The following MARCHF1 variants were observed in gnomAD, a reference collection of about 807,000 sequenced individuals.
MARCHF1 encodes E3 ubiquitin-protein ligase MARCHF1.
Under a neutral mutation model 54.2 loss-of-function variants are expected in MARCHF1, and 40 were observed. The observed-to-expected ratio is 0.74, with a 90% confidence interval of 0.57 to 0.96. The LOEUF (loss-of-function observed/expected upper bound fraction) is 0.96, where lower values mean the gene tolerates loss of function less well. Among genes scored for constraint, MARCHF1 ranks in the 40% least tolerant of loss-of-function variants. The probability of loss-of-function intolerance (pLI) is 0.00; values close to 1 mark genes in which losing one functional copy is unlikely to be tolerated. For missense variants in MARCHF1, 586 were observed against 656.5 expected (o/e 0.89, Z 1.17); for synonymous variants, 236 against 236.3 (o/e 1.00, Z 0.01).
Position 163,961,555 on chromosome 4 carries a change from C to A in MARCHF1, c.-39+26946G>T, listed in dbSNP as rs116036112. Among the ~76,000 whole-genome samples, 821 of 151,938 alleles carry A rather than the reference C, an allele frequency of 5.4e-3. 8 individuals carry two copies. Among genetic ancestry groups the A allele is most frequent in the Middle Eastern group, 0.02 (6 of 294 alleles). Reference sequence around the variant, plus strand: ...TATGCCATTCATTTAAACCTTTTCACGTGCTACCCTTCTCCACGAGTCTCT... The same window carrying A: ...TATGCCATTCATTTAAACCTTTTCAAGTGCTACCCTTCTCCACGAGTCTCT... On this transcript the variant is annotated intron_variant, in intron 3 of 9. Transcript: ENST00000514618.
At chr4:163,606,600 G>A (rs919868280) in intron 7 of MARCHF1, among the ~76,000 whole-genome samples, 8 of 152,030 alleles carry the variant, frequency 5.3e-5, no homozygotes, top group Non-Finnish European at 8.8e-5. Flanking sequence ...CTAAATATGA[G>A]CATTTGGAGA....
chr4:164,007,067 G>T (rs1435430712), intron 2 of MARCHF1, among the ~76,000 whole-genome samples: 1 of 136,064 alleles, frequency 7.3e-6, no homozygotes, highest in Non-Finnish European at 1.5e-5. Flanking sequence ...GGCAGGGCGT[G>T]GTGGCTCACA....
chr4:164,186,695 T>C (rs1730979913), intron 1 of MARCHF1, among the ~76,000 whole-genome samples: 1 of 152,214 alleles, frequency 6.6e-6, no homozygotes, highest in South Asian at 2.1e-4. Context: ...AGGGCAATGT[T>C]GAGCTATTTA....
At position 163,962,564 on chromosome 4, in the gene MARCHF1, T is replaced by G. The variant is rs758996367; in HGVS notation, c.-39+25937A>C. The stretch of plus-strand genomic sequence containing the variant: ...GCAGGTCTTTATTGTATCCGTATTG[T>G]GTACTACAACTGTGAAGGAAATGTA... On this transcript the variant is annotated intron_variant, in intron 3 of 9. Transcript: ENST00000514618. 6.2e-4 allele frequency among the ~76,000 whole-genome samples: 95 copies of G among 152,100 alleles called. 1 individual carries two copies. The highest frequency in any genetic ancestry group is 1.2e-3 in the Non-Finnish European group (79 of 67,902).
intron 2 of MARCHF1, among the ~76,000 whole-genome samples, chr4:164,068,667 C>T (rs2111084940): frequency 1.3e-5 from 2 of 152,272 alleles, no homozygotes; most frequent in South Asian, 4.1e-4. Context: ...GCAGACTGAG[C>T]CTCCCTGACG....
chr4:164,008,194 C>G (rs1753338204), intron 2 of MARCHF1, among the ~76,000 whole-genome samples: 1 of 152,044 alleles, frequency 6.6e-6, no homozygotes, highest in African/African-American at 2.4e-5. Flanking sequence ...ACACTAATAT[C>G]AGATAAAACA....
At chr4:164,038,265 A>C (rs547430564) in intron 2 of MARCHF1, among the ~76,000 whole-genome samples, 56 of 152,234 alleles carry the variant, frequency 3.7e-4, no homozygotes, top group African/African-American at 1.3e-3. Context: ...AGGCCGAGGC[A>C]GGTGGATCAC....
intron 3 of MARCHF1, among the ~76,000 whole-genome samples, chr4:163,969,128 G>A (rs1752499940): frequency 6.6e-6 from 1 of 152,150 alleles, no homozygotes; most frequent in South Asian, 2.1e-4. Flanking sequence ...ACAAAAAAGA[G>A]GCAGAAAGGC....
At chr4:163,924,843 T>A (rs546749307) in intron 3 of MARCHF1, among the ~76,000 whole-genome samples, 2 of 151,930 alleles carry the variant, frequency 1.3e-5, no homozygotes, top group South Asian at 4.1e-4. Context: ...AATTATAATA[T>A]TAAGAAAAAT....
intron 4 of MARCHF1, among the ~76,000 whole-genome samples, chr4:163,831,509 T>C (rs904006901): frequency 1.3e-5 from 2 of 152,198 alleles, no homozygotes; most frequent in Non-Finnish European, 2.9e-5. Context: ...GGGGATTGCT[T>C]GAGTCCAGGA....
rs745790792 is a variant in MARCHF1 at position 163,542,339 on chromosome 4, C to G, written c.1339+3257G>C. Among the ~76,000 whole-genome samples the G allele has an allele frequency of 5.6e-4, 86 of 152,234 alleles. 2 individuals are homozygous for G. The highest frequency in any genetic ancestry group is 8.7e-4 in the Non-Finnish European group (59 of 68,046). On this transcript the variant is annotated intron_variant, in intron 9 of 9. Transcript: ENST00000514618. ...ACTTGCCTGGTCCCAGACCAGTGTT[C>G]AGCACCGGGGAGATGTAGTGGTGAG...
chr4:164,370,769 G>C (rs549220633), intron 1 of MARCHF1, among the ~76,000 whole-genome samples: 3 of 152,054 alleles, frequency 2.0e-5, no homozygotes, highest in African/African-American at 7.2e-5. Flanking sequence ...TTAGCTGGGC[G>C]TGATAGCGTG....
intron 4 of MARCHF1, among the ~76,000 whole-genome samples, chr4:163,705,606 A>G (rs1036644363): frequency 6.6e-6 from 1 of 152,028 alleles, no homozygotes; most frequent in African/African-American, 2.4e-5. Context: ...AATTCTGGAA[A>G]GATATTTGAC....
chr4:163,913,461 T>C (rs1472669943), intron 3 of MARCHF1, among the ~76,000 whole-genome samples: 6 of 152,158 alleles, frequency 3.9e-5, no homozygotes, highest in African/African-American at 1.4e-4. Flanking sequence ...TAGTCTTACG[T>C]TTAGAACTCT....
intron 7 of MARCHF1, among the ~76,000 whole-genome samples, chr4:163,607,018 CTA>C (rs1579106660): frequency 6.6e-6 from 1 of 152,054 alleles, no homozygotes; most frequent in East Asian, 1.9e-4. Flanking sequence ...TCTGGCCAGA[CTA>C]TCTCTTCCCT....
At chr4:163,561,963 T>G (rs984536469) in intron 8 of MARCHF1, among the ~76,000 whole-genome samples, 2 of 152,142 alleles carry the variant, frequency 1.3e-5, no homozygotes, top group African/African-American at 4.8e-5. Flanking sequence ...CTTTCTCATC[T>G]TTTCTTGACT....
intron 2 of MARCHF1, among the ~76,000 whole-genome samples, chr4:164,100,199 G>C (rs1361232177): frequency 6.7e-6 from 1 of 148,448 alleles, no homozygotes; most frequent in East Asian, 1.9e-4. Context: ...ATAGAACATA[G>C]GTTAAAACAA....
At chr4:163,991,054 AATTTG>A (rs1439574640) in intron 2 of MARCHF1, among the ~76,000 whole-genome samples, 2 of 152,130 alleles carry the variant, frequency 1.3e-5, no homozygotes, top group African/African-American at 4.8e-5. Context: ...ATTTTGAGTT[AATTTG>A]ATTTATGTGG....
At chr4:163,926,095 A>G (rs1751530813) in intron 3 of MARCHF1, among the ~76,000 whole-genome samples, 1 of 151,690 alleles carries the variant, frequency 6.6e-6, no homozygotes, top group African/African-American at 2.4e-5. Flanking sequence ...GCCTTCTTAC[A>G]TATAACAAAT....
Sources: gnomAD v4.1 joint callset for allele counts (sites outside exome capture counted in the v4.1 genomes callset) on GRCh38, gnomAD v4.1.1 for gene constraint, MANE v1.5 for transcripts, NCBI Gene and HGNC (gene_info 2026-07-23, HGNC 2026-07-21) for gene names.